Variants in FBXL17 observed in about 807,000 individuals in gnomAD.
The protein encoded by FBXL17 is F-box and leucine rich repeat protein 17, also known as F-box/LRR-repeat protein 17.
A neutral mutation model predicts 66.2 loss-of-function variants in FBXL17; 22 were observed. That is an observed-to-expected ratio of 0.33 (90% CI 0.24 to 0.47). The LOEUF (loss-of-function observed/expected upper bound fraction) is 0.47. FBXL17 is among the 20% of genes least tolerant of loss of function. The pLI is 1.00. For synonymous variants in FBXL17, 474 were observed against 400.5 expected (o/e 1.18, Z -2.19); for missense variants, 878 against 948.2 (o/e 0.93, Z 0.97).
At position 107,870,897 on chromosome 5, in the gene FBXL17, T is replaced by C. The variant is rs192416709; in HGVS notation, c.1966-9037A>G. On this transcript the variant is annotated intron_variant, in intron 8 of 8. Coordinates refer to ENST00000542267, the MANE Select transcript of FBXL17 (RefSeq NM_001163315.3). ...GATAAGAAATTTTAAGAAGAAAAGT[T>C]GACTATGTTACTGGAGCCTAAAAGC... Among the ~76,000 whole-genome samples the C allele has an allele frequency of 1.8e-3, 268 of 151,882 alleles. 1 individual carries two copies. Among genetic ancestry groups the C allele is most frequent in the African/African-American group, 6.3e-3 (261 of 41,412 alleles).
intron 6 of FBXL17, among the ~76,000 whole-genome samples, chr5:108,059,041 A>G (rs1463469682): frequency 1.3e-5 from 2 of 152,212 alleles, no homozygotes; most frequent in Non-Finnish European, 2.9e-5. Flanking sequence ...TGACCATAGA[A>G]AAAGCTCTGA....
intron 4 of FBXL17, among the ~76,000 whole-genome samples, chr5:108,252,412 A>G (rs1756397158): frequency 2.0e-5 from 3 of 152,160 alleles, no homozygotes; most frequent in African/African-American, 4.8e-5. Context: ...ACAAAATTAA[A>G]TCAGCAGCCT....
At chr5:108,366,649 G>T (rs1561557382) in intron 2 of FBXL17, among the ~76,000 whole-genome samples, 1 of 151,940 alleles carries the variant, frequency 6.6e-6, no homozygotes, top group Non-Finnish European at 1.5e-5. Context: ...GAGTAATGAT[G>T]TAACAAGCTG....
At chr5:107,964,066 G>C (rs914849577) in intron 7 of FBXL17, among the ~76,000 whole-genome samples, 1 of 152,168 alleles carries the variant, frequency 6.6e-6, no homozygotes, top group South Asian at 2.1e-4. Context: ...TTTTATGTCA[G>C]TGGGAGCTTT....
At chr5:108,281,800 GAAGA>G (rs1266384560) in intron 4 of FBXL17, among the ~76,000 whole-genome samples, 1 of 151,538 alleles carries the variant, frequency 6.6e-6, no homozygotes, top group Non-Finnish European at 1.5e-5. Context: ...ACTATTCAAA[GAAGA>G]AAGAAGACAC....
intron 7 of FBXL17, among the ~76,000 whole-genome samples, chr5:107,901,610 A>G (rs1402353506): frequency 6.6e-6 from 1 of 152,198 alleles, no homozygotes; most frequent in African/African-American, 2.4e-5. Flanking sequence ...CATAACACAC[A>G]GAAATATACT....
intron 7 of FBXL17, among the ~76,000 whole-genome samples, chr5:107,976,999 T>C (rs1286929853): frequency 2.0e-5 from 3 of 152,204 alleles, no homozygotes; most frequent in East Asian, 1.9e-4. Flanking sequence ...GAGAATAGGG[T>C]TGGGAATATC....
At chr5:108,072,517 C>T (rs1173629694) in intron 6 of FBXL17, among the ~76,000 whole-genome samples, 1 of 152,190 alleles carries the variant, frequency 6.6e-6, no homozygotes, top group Non-Finnish European at 1.5e-5. Context: ...TCCTGGCTAA[C>T]ATGGTGAAAC....
chr5:108,122,885 G>A (rs1750558083), intron 6 of FBXL17, among the ~76,000 whole-genome samples: 1 of 151,956 alleles, frequency 6.6e-6, no homozygotes, highest in South Asian at 2.1e-4. Flanking sequence ...AGTCACCTCT[G>A]ATTACTGGCA....
chr5:108,259,097 CA>C (rs1452563190), intron 4 of FBXL17, among the ~76,000 whole-genome samples: 1 of 152,040 alleles, frequency 6.6e-6, no homozygotes, highest in Non-Finnish European at 1.5e-5. Context: ...CGGCGACTAT[CA>C]GCTATTTTCA....
At chr5:108,178,553 T>A (rs1418869374) in intron 6 of FBXL17, among the ~76,000 whole-genome samples, 1 of 152,204 alleles carries the variant, frequency 6.6e-6, no homozygotes, top group Non-Finnish European at 1.5e-5. Context: ...TAAAATATAT[T>A]TCATTATTCT....
chr5:108,120,486 T>G (rs377473176), intron 6 of FBXL17, among the ~76,000 whole-genome samples: 4 of 152,184 alleles, frequency 2.6e-5, no homozygotes, highest in African/African-American at 7.2e-5. Flanking sequence ...AGTTCCTATA[T>G]CATTGAGAAA....
intron 4 of FBXL17, among the ~76,000 whole-genome samples, chr5:108,315,403 G>A (rs893778449): frequency 6.6e-6 from 1 of 151,126 alleles, no homozygotes; most frequent in East Asian, 1.9e-4. Flanking sequence ...GTAATTTACG[G>A]ATAAATTTAG....
intron 4 of FBXL17, among the ~76,000 whole-genome samples, chr5:108,261,304 T>A (rs1344295059): frequency 6.6e-6 from 1 of 151,780 alleles, no homozygotes; most frequent in Non-Finnish European, 1.5e-5. Flanking sequence ...AAAGGATAAT[T>A]AAAATAAATG....
intron 4 of FBXL17, among the ~76,000 whole-genome samples, chr5:108,343,971 A>T (rs192237481): frequency 1.3e-5 from 2 of 152,274 alleles, no homozygotes; most frequent in African/African-American, 4.8e-5. Flanking sequence ...TTTACCTCTT[A>T]ATCTCATTTA....
intron 5 of FBXL17, among the ~76,000 whole-genome samples, chr5:108,217,770 C>T (rs1754672537): frequency 6.6e-6 from 1 of 152,114 alleles, no homozygotes; most frequent in Non-Finnish European, 1.5e-5. Context: ...CCAGCACCTC[C>T]TCAATCCTTT....
At position 108,109,904 on chromosome 5, in the gene FBXL17, T is replaced by C. The variant is rs762995634; in HGVS notation, c.1745+76213A>G. On this transcript the variant is annotated intron_variant, in intron 6 of 8. Coordinates refer to ENST00000542267, the MANE Select transcript of FBXL17 (RefSeq NM_001163315.3). ...ATTCAGTCCACAGAAGGTGGGGTCA[T>C]GGGGTTGAGGGAGAGAACACTTCCA... 6.3e-4 allele frequency among the ~76,000 whole-genome samples: 96 copies of C among 152,286 alleles called. 1 individual carries two copies. Among genetic ancestry groups the C allele is most frequent in the South Asian group, 1.5e-3 (7 of 4,822 alleles).
At chr5:108,294,302 T>C (rs932552758) in intron 4 of FBXL17, among the ~76,000 whole-genome samples, 2 of 148,392 alleles carry the variant, frequency 1.3e-5, no homozygotes, top group Non-Finnish European at 3.0e-5. Context: ...AATATATATA[T>C]ATACACTTAC....
At chr5:108,227,727 C>T (rs976545346) in intron 4 of FBXL17, among the ~76,000 whole-genome samples, 6 of 152,122 alleles carry the variant, frequency 3.9e-5, no homozygotes, top group Non-Finnish European at 7.4e-5. Context: ...TTAATTCTCC[C>T]CTCAAAAGTA....
Sources: gnomAD v4.1 joint callset for allele counts (sites outside exome capture counted in the v4.1 genomes callset) on GRCh38, gnomAD v4.1.1 for gene constraint, MANE v1.5 for transcripts, NCBI Gene and HGNC (gene_info 2026-07-23, HGNC 2026-07-21) for gene names.